Variants in ATP10A observed in about 807,000 individuals in gnomAD.
The protein encoded by ATP10A is ATPase phospholipid transporting 10A (putative), also known as phospholipid-transporting ATPase VA.
ATP10A carries 111 observed loss-of-function variants against 147.8 expected under a neutral mutation model. The observed-to-expected ratio is 0.75, with a 90% CI of 0.64 to 0.88. The LOEUF (loss-of-function observed/expected upper bound fraction) is 0.88. ATP10A is among the 40% of genes least tolerant of loss of function. The pLI, the probability that ATP10A is intolerant of heterozygous loss-of-function variation, is 0.00. For missense variants in ATP10A, 1,927 were observed against 1,959.0 expected, an observed-to-expected ratio of 0.98 and a Z score of 0.31; for synonymous variants, 875 against 841.6, an observed-to-expected ratio of 1.04 and a Z score of -0.69.
chr15:25,815,109 T>G (rs1291952608), intron 1 of ATP10A, among the ~76,000 whole-genome samples: 2 of 152,170 alleles, frequency 1.3e-5, no homozygotes, highest in East Asian at 3.9e-4. Context: ...CATCCCCTAC[T>G]ACCAGGTCGA....
chr15:25,705,467 C>CAAAAAAAAAAAAACA (rs11428171), intron 12 of ATP10A, among the ~76,000 whole-genome samples: 44 of 127,940 alleles, frequency 3.4e-4, no homozygotes, highest in African/African-American at 5.7e-4. Flanking sequence ...AAAAAAAAAA[C>CAAAAAAAAAAAAACA]AAAAAAAATC....
chr15:25,811,802 C>T (rs1891445576), intron 1 of ATP10A, among the ~76,000 whole-genome samples: 1 of 152,192 alleles, frequency 6.6e-6, no homozygotes, highest in East Asian at 1.9e-4. Flanking sequence ...ACTTCCTCGT[C>T]CAGATGGATG....
chr15:25,797,432 C>T (rs1479691410), intron 1 of ATP10A, among the ~76,000 whole-genome samples: 2 of 151,968 alleles, frequency 1.3e-5, no homozygotes, highest in Non-Finnish European at 2.9e-5. Context: ...GCTGCCCTGG[C>T]CCCTGGCCCC....
chr15:25,731,098 G>A (rs551865495), intron 3 of ATP10A, among the ~76,000 whole-genome samples: 92 of 152,290 alleles, frequency 6.0e-4, no homozygotes, highest in African/African-American at 1.9e-3. Flanking sequence ...ACTAACCACC[G>A]TCTCTGAAGG....
At chr15:25,753,244 C>T (rs7173520) in intron 2 of ATP10A, among the ~76,000 whole-genome samples, 54,875 of 151,984 alleles carry the variant, frequency 0.36, 10,317 homozygotes, top group Non-Finnish European at 0.41. Flanking sequence ...ATCTATCTTC[C>T]TATCTCCCCC....
chr15:25,693,703 G>C (rs376070414), intron 14 of ATP10A, among the ~76,000 whole-genome samples: 2 of 152,178 alleles, frequency 1.3e-5, no homozygotes, highest in Non-Finnish European at 2.9e-5. Flanking sequence ...TAGGTTCCCC[G>C]GGCCTCCTGA....
At chr15:25,862,083 G>C (rs953692448) in intron 1 of ATP10A, 2 of 322,096 alleles carry the variant, frequency 6.2e-6, no homozygotes, top group Non-Finnish European at 1.2e-5. Flanking sequence ...CCTGGCTCGC[G>C]GCTCATGGCT....
chr15:25,686,186 C>T (rs1471983658), intron 16 of ATP10A, among the ~76,000 whole-genome samples: 3 of 152,010 alleles, frequency 2.0e-5, no homozygotes, highest in Non-Finnish European at 1.5e-5. Context: ...AGAAGACGCT[C>T]CGAAAAATGA....
Position 25,725,972 on chromosome 15 carries a change from T to C in ATP10A, c.958A>G (p.Met320Val). ...VLWCVLLLVC[M>V]SLFSAVGHGL... Reference sequence around the variant, plus strand: ...TTACCGACTGCTGAAAACAGAGACATGCAAACAAGGAGCAGGACACACCAG... The same window carrying C: ...TTACCGACTGCTGAAAACAGAGACACGCAAACAAGGAGCAGGACACACCAG... The change falls in exon 5 of 21, where the codon ATG becomes GTG. Residue 320 changes from methionine (M) to valine (V), a missense_variant. Transcript: ENST00000555815. 1 of 1,613,674 alleles carries C rather than the reference T, an allele frequency of 6.2e-7. No individual in the cohort carries two copies. The highest frequency in any genetic ancestry group is 8.5e-7 in the Non-Finnish European group (1 of 1,179,742).
chr15:25,768,431 G>A (rs1488538891), intron 2 of ATP10A, among the ~76,000 whole-genome samples: 2 of 152,102 alleles, frequency 1.3e-5, no homozygotes, highest in African/African-American at 4.8e-5. Flanking sequence ...TGGGCACCTG[G>A]ACTCCCATCC....
chr15:25,792,830 C>T (rs991532448), intron 1 of ATP10A, among the ~76,000 whole-genome samples: 4 of 151,676 alleles, frequency 2.6e-5, no homozygotes, highest in African/African-American at 7.3e-5. Context: ...TCACCTGCAG[C>T]CCCAGTTCCA....
intron 2 of ATP10A, among the ~76,000 whole-genome samples, chr15:25,759,164 G>C (rs1267610257): frequency 6.6e-6 from 1 of 152,168 alleles, no homozygotes; most frequent in Non-Finnish European, 1.5e-5. Flanking sequence ...GAAGTAACTT[G>C]CCTTGCTGAG....
intron 8 of ATP10A, 81 bp from the exon 9 acceptor site, chr15:25,717,005 G>T: frequency 1.7e-6 from 2 of 1,165,862 alleles, no homozygotes; most frequent in African/African-American, 1.6e-5. Context: ...AAGGTACTTT[G>T]ATTTTATTAT....
At chr15:25,806,217 C>T (rs180760420) in intron 1 of ATP10A, among the ~76,000 whole-genome samples, 1 of 152,312 alleles carries the variant, frequency 6.6e-6, no homozygotes, top group East Asian at 1.9e-4. Flanking sequence ...CCACTTCCTC[C>T]TCAGCACGCT....
Position 25,737,562 on chromosome 15 carries a change from C to T in ATP10A, c.655-1421G>A, listed in dbSNP as rs541295285. On this transcript the variant is annotated intron_variant, in intron 2 of 20. Coordinates refer to ENST00000555815, the MANE Select transcript of ATP10A (RefSeq NM_024490.4). ...CCTGGGGAGTGTGCGCAGGGGAGGT[C>T]CCAGGCACGGGACGGCTGGCTTCCT... Among the ~76,000 whole-genome samples the T allele has an allele frequency of 2.6e-5, 4 of 152,184 alleles. No individual in the cohort carries two copies. In the East Asian group the frequency reaches 7.8e-4, roughly 29 times the overall value.
At chr15:25,835,853 G>A (rs577894025) in intron 1 of ATP10A, among the ~76,000 whole-genome samples, 6 of 152,016 alleles carry the variant, frequency 3.9e-5, no homozygotes, top group Admixed American at 1.3e-4. Context: ...TCACTCTGTC[G>A]CCAAGGCTAG....
At chr15:25,859,738 C>T (rs927428415) in intron 1 of ATP10A, among the ~76,000 whole-genome samples, 2 of 152,104 alleles carry the variant, frequency 1.3e-5, no homozygotes, top group African/African-American at 4.8e-5. Context: ...CTAACAGGCT[C>T]TAAGGGGATT....
intron 6 of ATP10A, among the ~76,000 whole-genome samples, chr15:25,722,363 G>T (rs1171150025): frequency 1.3e-5 from 2 of 152,226 alleles, no homozygotes; most frequent in Non-Finnish European, 2.9e-5. Flanking sequence ...TCAGGGGGCA[G>T]TGCAAACACA....
intron 1 of ATP10A, among the ~76,000 whole-genome samples, chr15:25,827,566 G>T (rs1031511840): frequency 1.2e-4 from 18 of 152,134 alleles, no homozygotes; most frequent in African/African-American, 4.3e-4. Flanking sequence ...AATTAAGGTG[G>T]TATTAATCTG....
Sources: allele counts gnomAD v4.1 joint callset (sites outside exome capture counted in the v4.1 genomes callset), GRCh38; gene constraint gnomAD v4.1.1; transcripts MANE v1.5; gene names NCBI Gene and HGNC (gene_info 2026-07-23, HGNC 2026-07-21).